The following TLN2 variants were observed in gnomAD, a reference collection of about 807,000 sequenced individuals.
TLN2 encodes talin-2.
A neutral mutation model predicts 294.7 loss-of-function variants in TLN2; 118 were observed. That is an observed-to-expected ratio of 0.40 (90% CI 0.34 to 0.47). The LOEUF (loss-of-function observed/expected upper bound fraction) is 0.47. Ranked by LOEUF, TLN2 falls within the 20% of genes least tolerant of loss-of-function variation. The pLI, the probability that TLN2 is intolerant of heterozygous loss-of-function variation, is 0.84. For missense variants in TLN2, 3,083 were observed against 3,282.2 expected, an observed-to-expected ratio of 0.94 and a Z score of 1.48; for synonymous variants, 1,431 against 1,304.5, an observed-to-expected ratio of 1.10 and a Z score of -2.09.
intron 3 of TLN2, among the ~76,000 whole-genome samples, chr15:62,632,870 G>A (rs1329363597): frequency 6.6e-6 from 1 of 152,146 alleles, no homozygotes; most frequent in Non-Finnish European, 1.5e-5. Flanking sequence ...GAACTGACAA[G>A]GAAAAACACC....
chr15:62,505,761 A>AAG (rs1362665191), intron 1 of TLN2, among the ~76,000 whole-genome samples: 2 of 152,202 alleles, frequency 1.3e-5, no homozygotes, highest in Non-Finnish European at 2.9e-5. Flanking sequence ...GTACATGAGG[A>AAG]AGGTGGAAGG....
intron 1 of TLN2, among the ~76,000 whole-genome samples, chr15:62,438,205 A>T (rs1375513951): frequency 6.6e-6 from 1 of 152,236 alleles, no homozygotes; most frequent in Non-Finnish European, 1.5e-5. Flanking sequence ...CTAATCCAGT[A>T]GTGGTTATTT....
intron 5 of TLN2, among the ~76,000 whole-genome samples, chr15:62,651,629 G>A (rs35768333): frequency 0.063 from 9,520 of 152,174 alleles, 460 homozygotes; most frequent in African/African-American, 0.13. Context: ...AGAAATGCAG[G>A]TATGTTGACC....
rs754533534 is a variant in TLN2 at position 62,736,879 on chromosome 15, G to A, written c.3360G>A (p.Gly1120=). The part of the protein sequence containing the change: ...CAAQGNEHYT[G]VAARETAQAL... ...AATCTGATGGACTTTTTCCCCCAGG[G>A]GTGGCTGCTAGAGAGACGGCCCAAG... Residue 1120 remains glycine (G), a splice_region_variant and synonymous_variant, in exon 29 of 59, where the codon GGG becomes GGA. Coordinates refer to ENST00000636159, the MANE Select transcript of TLN2 (RefSeq NM_015059.3). 8 of 1,612,960 alleles carry A rather than the reference G, an allele frequency of 5.0e-6. No individual in the cohort carries two copies. Among genetic ancestry groups the A allele is most frequent in the South Asian group, 3.3e-5 (3 of 91,046 alleles).
intron 1 of TLN2, among the ~76,000 whole-genome samples, chr15:62,487,599 G>A (rs1299693525): frequency 1.3e-5 from 2 of 152,100 alleles, no homozygotes; most frequent in Non-Finnish European, 2.9e-5. Flanking sequence ...TTTGGTGGCC[G>A]AGGTGGGAAG....
rs1294881509 is a variant in TLN2 at position 62,702,192 on chromosome 15, T to G, written c.1897T>G (p.Ser633Ala). The change falls in exon 18 of 59, where the codon TCT becomes GCT. Residue 633 changes from serine (S) to alanine (A), a missense_variant. Coordinates refer to ENST00000636159, the MANE Select transcript of TLN2 (RefSeq NM_015059.3). ...SDLLKAVQPT[S>A]GEPRQTVLTA... is the part of the protein sequence containing the mutation. ...CTTGCTGAAAGCTGTGCAGCCTACT[T>G]CTGGAGAGGTAAGCTCCAGAGGCAA... The G allele has an allele frequency of 3.8e-6, 6 of 1,594,308 alleles. No individual in the cohort carries two copies. Among genetic ancestry groups the G allele is most frequent in the Non-Finnish European group, 5.1e-6 (6 of 1,169,346 alleles).
intron 8 of TLN2, 114 bp from the exon 9 acceptor site, chr15:62,657,657 G>T: frequency 6.9e-7 from 1 of 1,451,482 alleles, no homozygotes; most frequent in East Asian, 2.4e-5. Flanking sequence ...CCGTGGGTTG[G>T]CTGGCACTGT....
chr15:62,657,973 A>T (rs2053400444), intron 9 of TLN2, 75 bp downstream of exon 9: 3 of 1,419,128 alleles, frequency 2.1e-6, no homozygotes, highest in South Asian at 2.7e-5. Context: ...TTTTTGAGCT[A>T]GGTGTCTAAG....
chr15:62,777,720 C>T (rs964786074), intron 43 of TLN2, among the ~76,000 whole-genome samples: 5 of 152,202 alleles, frequency 3.3e-5, no homozygotes, highest in Middle Eastern at 3.4e-3. Context: ...CCACTGAAAT[C>T]GTATATATGC....
intron 55 of TLN2, 93 bp downstream of exon 55, chr15:62,833,722 G>C: frequency 1.3e-6 from 2 of 1,515,738 alleles, no homozygotes; most frequent in Admixed American, 4.2e-5. Flanking sequence ...TCCTGACCAA[G>C]GAAACACATG....
chr15:62,560,436 C>G (rs2042860817), intron 1 of TLN2, among the ~76,000 whole-genome samples: 1 of 152,118 alleles, frequency 6.6e-6, no homozygotes, highest in Admixed American at 6.5e-5. Flanking sequence ...GTAGATGGAG[C>G]CACCTAAGTG....
At chr15:62,450,508 A>G (rs1460366188) in intron 1 of TLN2, among the ~76,000 whole-genome samples, 2 of 148,462 alleles carry the variant, frequency 1.3e-5, no homozygotes, top group African/African-American at 2.5e-5. Flanking sequence ...AGTGGCCCCC[A>G]TCGTGTATGT....
Position 62,592,590 on chromosome 15 carries a change from G to A in TLN2, c.-162+2828G>A, listed in dbSNP as rs2046166344. Among the ~76,000 whole-genome samples, 3 of 152,346 alleles carry A rather than the reference G, an allele frequency of 2.0e-5. No homozygotes were observed. In the South Asian group the frequency reaches 6.2e-4, roughly 32 times the overall value. On this transcript the variant is annotated intron_variant, in intron 2 of 58. Coordinates refer to ENST00000636159, the MANE Select transcript of TLN2 (RefSeq NM_015059.3). The stretch of plus-strand genomic sequence containing the variant: ...AAAGTCTGAATAAATGCTAGGAGGA[G>A]CTTTTATTTTGACATAAACCAGAGG...
intron 1 of TLN2, chr15:62,561,346 C>T (rs1244058619): frequency 6.6e-6 from 1 of 152,218 alleles, no homozygotes. Context: ...CCGCCGAGGC[C>T]CCTCCTCAGC....
chr15:62,696,524 T>C (rs927415624), intron 14 of TLN2, among the ~76,000 whole-genome samples: 4 of 152,118 alleles, frequency 2.6e-5, no homozygotes, highest in East Asian at 1.9e-4. Context: ...CTGGCTAATA[T>C]GGTGAAACCC....
chr15:62,740,647 C>T lies in TLN2; in HGVS notation c.3903C>T (p.Ile1301=), dbSNP rs1238053567. The change falls in exon 32 of 59, where the codon ATC becomes ATT. Residue 1301 remains isoleucine (I), a synonymous_variant. Coordinates refer to ENST00000636159, the MANE Select transcript of TLN2 (RefSeq NM_015059.3). ...AGQAQTKEDQ[I]QVIGNLKNIS... ...CCTTCCAGACAAAAGAAGACCAGAT[C>T]CAAGTGATAGGGAACCTCAAGAATA... is the stretch of plus-strand genomic sequence containing the variant. 8 of 1,614,088 alleles carry T rather than the reference C, an allele frequency of 5.0e-6. No homozygotes were observed. The Middle Eastern group carries it at 1.2e-3, about 232-fold the overall frequency.
At chr15:62,660,485 T>C (rs956420182) in intron 9 of TLN2, among the ~76,000 whole-genome samples, 7 of 152,180 alleles carry the variant, frequency 4.6e-5, no homozygotes, top group Non-Finnish European at 7.3e-5. Flanking sequence ...TTCTCCTTAA[T>C]TGAGTCTGAT....
Position 62,771,009 on chromosome 15 carries a change from G to A in TLN2, c.5242G>A (p.Val1748Ile), listed in dbSNP as rs755125047. Residue 1748 changes from valine (V) to isoleucine (I), a missense_variant, in exon 42 of 59, where the codon GTT (valine) becomes ATT (isoleucine). Physicochemically the swap from Val to Ile is conservative, Grantham distance 29. Coordinates refer to ENST00000636159, the MANE Select transcript of TLN2 (RefSeq NM_015059.3). ...SYFEPLILAA[V>I]GVASKILDHQ... ...TTTTGAGCCCTTGATCTTAGCCGCAGTTGGTGTGGCCTCCAAGATTCTTGA... is the reference window on the plus strand; with the variant it reads ...TTTTGAGCCCTTGATCTTAGCCGCAATTGGTGTGGCCTCCAAGATTCTTGA... The A allele has an allele frequency of 6.2e-7, 1 of 1,611,896 alleles. No homozygotes were observed. The highest frequency in any genetic ancestry group is 1.1e-5 in the South Asian group (1 of 90,968).
At chr15:62,531,980 G>A (rs2041063949) in intron 1 of TLN2, among the ~76,000 whole-genome samples, 1 of 152,138 alleles carries the variant, frequency 6.6e-6, no homozygotes, top group South Asian at 2.1e-4. Context: ...ATCATGGAAA[G>A]AAGAGTCTGA....
Sources: gnomAD v4.1 joint callset for allele counts (sites outside exome capture counted in the v4.1 genomes callset) on GRCh38, gnomAD v4.1.1 for gene constraint, MANE v1.5 for transcripts, NCBI Gene and HGNC (gene_info 2026-07-23, HGNC 2026-07-21) for gene names.